The following GPT variants were observed in gnomAD, a reference collection of about 807,000 sequenced individuals.
The protein encoded by GPT is alanine aminotransferase 1.
A neutral mutation model predicts 51.4 loss-of-function variants in GPT; 60 were observed. That is an observed-to-expected ratio of 1.17 (90% CI 0.95 to 1.45). The LOEUF (loss-of-function observed/expected upper bound fraction) is 1.45. Ranked by LOEUF, GPT falls within the 40% of genes most tolerant of loss-of-function variation. The pLI, the probability that GPT is intolerant of heterozygous loss-of-function variation, is 0.00. For missense variants in GPT, 853 were observed against 704.0 expected (o/e 1.21, Z -2.40); for synonymous variants, 397 against 303.1 (o/e 1.31, Z -3.22).
At chr8:144,503,965 C>T (rs1826657052), upstream of GPT, 4 of 416,128 alleles carry the variant, frequency 9.6e-6, no homozygotes, top group South Asian at 8.4e-5. Flanking sequence ...TACCTACCCC[C>T]CATGTGGGTC....
At position 144,506,406 on chromosome 8, in the gene GPT, T is replaced by G; in HGVS notation, c.1131T>G (p.Ala377=). 6.4e-7 allele frequency: 1 copy of G among 1,559,788 alleles called. No homozygotes were observed. Among genetic ancestry groups the G allele is most frequent in the Non-Finnish European group, 8.7e-7 (1 of 1,154,760 alleles). The change falls in exon 8 of 11, where the codon GCT becomes GCG. Residue 377 remains alanine (A), a splice_region_variant and synonymous_variant. Coordinates refer to ENST00000394955, the MANE Select transcript of GPT (RefSeq NM_005309.3). This position sits in a 1 kb window ranked among gnomAD's most constrained non-coding sequence, Gnocchi z 7.0. ...PTDPSFAQFQ[A]EKQAVLAELA... is the part of the protein sequence containing the mutation. The stretch of plus-strand genomic sequence containing the variant: ...ACCCCTCCTTTGCGCAGTTCCAGGC[T>G]GTGAGTTGGGGGCAGGAGGGGGTCC...
At chr8:144,505,225 C>G (rs1000709364) in intron 4 of GPT, 21 bp from the exon 5 acceptor site, 2 of 1,610,372 alleles carry the variant, frequency 1.2e-6, no homozygotes, top group Non-Finnish European at 1.7e-6. Context: ...GCCAACCCTG[C>G]CTTCCCCTTC....
chr8:144,506,018 C>A lies in GPT; in HGVS notation c.843C>A (p.Ala281=). Reference sequence around the variant, plus strand: ...AGGTGTACCAGGACAACGTGTACGCCGCGGGTTCGCAGTTCCACTCATTCA... The same window carrying A: ...AGGTGTACCAGGACAACGTGTACGCAGCGGGTTCGCAGTTCCACTCATTCA... ...ADEVYQDNVY[A]AGSQFHSFKK... The change falls in exon 7 of 11, where the codon GCC becomes GCA. Residue 281 remains alanine (A), a synonymous_variant. Coordinates refer to ENST00000394955, the MANE Select transcript of GPT (RefSeq NM_005309.3). This position sits in a 1 kb window ranked among gnomAD's most constrained non-coding sequence, Gnocchi z 7.0. The A allele has an allele frequency of 6.2e-7, 1 of 1,612,406 alleles. No individual in the cohort carries two copies. Among genetic ancestry groups the A allele is most frequent in the South Asian group, 1.1e-5 (1 of 91,084 alleles).
rs764369102 is a variant in GPT at position 144,506,657 on chromosome 8, G to A, written c.1287+1G>A. 1 of 1,557,070 alleles carries A rather than the reference G, an allele frequency of 6.4e-7. No individual in the cohort carries two copies. Among genetic ancestry groups the A allele is most frequent in the Non-Finnish European group, 8.7e-7 (1 of 1,150,484 alleles). ...CCCGCGGGCGGTGGAGCGCGCTCAGGTCAGGCGGGGGCGGGGCCTGCGGGG... is the reference window on the plus strand; with the variant it reads ...CCCGCGGGCGGTGGAGCGCGCTCAGATCAGGCGGGGGCGGGGCCTGCGGGG... On this transcript the variant is annotated splice_donor_variant, in intron 9 of 10. Transcript: ENST00000394955. LOFTEE classifies it high-confidence loss of function. This position sits in a 1 kb window ranked among gnomAD's most constrained non-coding sequence, Gnocchi z 7.0.
At position 144,504,642 on chromosome 8, in the gene GPT, C is replaced by T; in HGVS notation, c.201C>T (p.Asn67=). Residue 67 remains asparagine (N), a synonymous_variant, in exon 2 of 11, where the codon AAC becomes AAT. Transcript: ENST00000394955. ...CTTTCACCGAGGTCATCCGTGCCAA[C>T]ATCGGGGACGCACAGGCTATGGGGC... The part of the protein sequence containing the change: ...KKPFTEVIRA[N]IGDAQAMGQR... 1 of 1,613,320 alleles carries T rather than the reference C, an allele frequency of 6.2e-7. No individual in the cohort carries two copies. Among genetic ancestry groups the T allele is most frequent in the South Asian group, 1.1e-5 (1 of 91,092 alleles).
chr8:144,505,977 C>T lies in GPT; in HGVS notation c.820-18C>T. The T allele has an allele frequency of 6.2e-7, 1 of 1,612,258 alleles. No individual in the cohort carries two copies. ...GCCGGGCAACAGTCCGCCCCCGTGA[C>T]GCCTTGCGCCCTTCCAGGTGTACCA... is the stretch of plus-strand genomic sequence containing the variant. On this transcript the variant is annotated intron_variant, in intron 6 of 10. Coordinates refer to ENST00000394955, the MANE Select transcript of GPT (RefSeq NM_005309.3).
At position 144,504,283 on chromosome 8, in the gene GPT, C is replaced by T. The variant is rs1368620585; in HGVS notation, c.-22C>T. On this transcript the variant is annotated 5_prime_UTR_variant, in exon 1 of 11. Transcript: ENST00000394955. ...GTCCTGCCACCTCCTGAGCTGCCTT[C>T]CCGCCTGGTCTGGGTAGAGTCATGG... 1.9e-6 allele frequency: 3 copies of T among 1,604,528 alleles called. No individual in the cohort carries two copies. In the East Asian group the frequency reaches 6.7e-5, roughly 36 times the overall value.
In GPT at chr8:144,506,143, C is replaced by G. The variant is rs758787114; in HGVS notation, c.956+12C>G. 5.0e-6 allele frequency: 8 copies of G among 1,609,892 alleles called. No homozygotes were observed. In the Admixed American group the frequency reaches 5.0e-5, roughly 10 times the overall value. Reference sequence around the variant, plus strand: ...GGCTACATGGGCGAGTGCGTGCGTACGAGGCGGGTGGGGGCTCGCGGGCCA... The same window carrying G: ...GGCTACATGGGCGAGTGCGTGCGTAGGAGGCGGGTGGGGGCTCGCGGGCCA... On this transcript the variant is annotated intron_variant, in intron 7 of 10. Coordinates refer to ENST00000394955, the MANE Select transcript of GPT (RefSeq NM_005309.3). This position sits in a 1 kb window ranked among gnomAD's most constrained non-coding sequence, Gnocchi z 7.0.
Position 144,505,083 on chromosome 8 carries a change from G to C in GPT, c.447G>C (p.Ala149=). 1 of 1,613,154 alleles carries C rather than the reference G, an allele frequency of 6.2e-7. No homozygotes were observed. The highest frequency in any genetic ancestry group is 8.5e-7 in the Non-Finnish European group (1 of 1,180,002). The change falls in exon 4 of 11, where the codon GCG becomes GCC. Residue 149 remains alanine (A), a synonymous_variant. Coordinates refer to ENST00000394955, the MANE Select transcript of GPT (RefSeq NM_005309.3). ...YIERRDGGIP[A]DPNNVFLSTG... ...AGAGGCGTGACGGAGGCATCCCTGC[G>C]GACCCCAACAACGTCTTCCTGTCCA...
chr8:144,504,850 T>A lies in GPT; in HGVS notation c.332T>A (p.Ile111Asn). Residue 111 changes from isoleucine (I) to asparagine (N), a missense_variant, in exon 3 of 11, where the codon ATC becomes AAC. Ile to Asn is a moderately radical substitution (Grantham distance 149). Coordinates refer to ENST00000394955, the MANE Select transcript of GPT (RefSeq NM_005309.3). The part of the protein sequence containing the change: ...PDDAKKRAER[I>N]LQACGGHSLG... ...GATGCCAAGAAAAGGGCGGAGCGCA[T>A]CTTGCAGGCGTGTGGGGGCCACAGT... 1.2e-6 allele frequency: 2 copies of A among 1,613,360 alleles called. No homozygotes were observed. The highest frequency in any genetic ancestry group is 2.2e-5 in the South Asian group (2 of 91,076).
In GPT at chr8:144,504,468, T is replaced by C; in HGVS notation, c.162+2T>C. On this transcript the variant is annotated splice_donor_variant, in intron 1 of 10. Coordinates refer to ENST00000394955, the MANE Select transcript of GPT (RefSeq NM_005309.3). LOFTEE classifies it high-confidence loss of function. ...GAGCTGGAGCAGGAGCTGCGCCAGG[T>C]ATGGCCCAGGGCCCCTCGCTGCCCT... 6.2e-7 allele frequency: 1 copy of C among 1,609,284 alleles called. No homozygotes were observed. The highest frequency in any genetic ancestry group is 8.5e-7 in the Non-Finnish European group (1 of 1,179,444).
rs781196445 is a variant in GPT, at chr8:144,505,384, C to T, written c.634C>T (p.Arg212Cys). 6.3e-7 allele frequency: 1 copy of T among 1,592,524 alleles called. No individual in the cohort carries two copies. The highest frequency in any genetic ancestry group is 1.1e-5 in the South Asian group (1 of 87,606). ...VQVDYYLDEE[R>C]AWALDVAELH... ...GGTGGATTACTACCTGGACGAGGAG[C>T]GTGCCTGGGCGCTGGACGTGGCCGA... The change falls in exon 5 of 11, where the codon CGT (arginine) becomes TGT (cysteine). Residue 212 changes from arginine to cysteine, a missense_variant. Transcript: ENST00000394955.
chr8:144,507,105 G>GT lies in GPT; in HGVS notation c.*106dup, dbSNP rs1270580183. Reference sequence around the variant, plus strand: ...TGCTCTTGATGCCTGGCGGGGTGGGGTGGGGGGGGTGCTGGGCCCCTGCCT... The same window carrying GT: ...TGCTCTTGATGCCTGGCGGGGTGGGGTTGGGGGGGGTGCTGGGCCCCTGCCT... On this transcript the variant is annotated 3_prime_UTR_variant, in exon 11 of 11. Transcript: ENST00000394955. 795 of 698,374 alleles carry GT rather than the reference G, an allele frequency of 1.1e-3. 2 individuals are homozygous for GT. Among genetic ancestry groups the GT allele is most frequent in the Admixed American group, 1.9e-3 (95 of 49,126 alleles). The allele number at this position is 698,374 out of a possible 1,614,324, so 43.3% of individuals were successfully genotyped here. A position where few individuals can be genotyped will look rare whatever the true frequency, so the allele number is the denominator to read the frequency against.
chr8:144,506,682 G>T lies in GPT; in HGVS notation c.1287+26G>T. ...GTCAGGCGGGGGCGGGGCCTGCGGGGTGGGCAGGGGGGGCCGGGCATCCCT... is the reference window on the plus strand; with the variant it reads ...GTCAGGCGGGGGCGGGGCCTGCGGGTTGGGCAGGGGGGGCCGGGCATCCCT... On this transcript the variant is annotated intron_variant, in intron 9 of 10. Coordinates refer to ENST00000394955, the MANE Select transcript of GPT (RefSeq NM_005309.3). This position sits in a 1 kb window ranked among gnomAD's most constrained non-coding sequence, Gnocchi z 7.0. 1 of 1,579,220 alleles carries T rather than the reference G, an allele frequency of 6.3e-7. No homozygotes were observed. The highest frequency in any genetic ancestry group is 8.6e-7 in the Non-Finnish European group (1 of 1,162,412).
In GPT at chr8:144,505,081, G is replaced by A; in HGVS notation, c.445G>A (p.Ala149Thr). 6.2e-7 allele frequency: 1 copy of A among 1,613,154 alleles called. No homozygotes were observed. Among genetic ancestry groups the A allele is most frequent in the Non-Finnish European group, 8.5e-7 (1 of 1,180,006 alleles). Residue 149 changes from alanine to threonine, a missense_variant, in exon 4 of 11, where the codon GCG becomes ACG. Physicochemically the swap from Ala to Thr is moderately conservative, Grantham distance 58. Transcript: ENST00000394955. ...TGAGAGGCGTGACGGAGGCATCCCT[G>A]CGGACCCCAACAACGTCTTCCTGTC... ...YIERRDGGIP[A>T]DPNNVFLSTG...
upstream of GPT, chr8:144,503,973 G>C (rs2130609264): frequency 2.3e-6 from 1 of 428,894 alleles, no homozygotes; most frequent in East Asian, 4.9e-5. Context: ...CCCCATGTGG[G>C]TCTCCTGCTC....
At position 144,505,329 on chromosome 8, in the gene GPT, G is replaced by C. The variant is rs774645693; in HGVS notation, c.579G>C (p.Ser193=). Residue 193 remains serine, a synonymous_variant, in exon 5 of 11, where the codon TCG becomes TCC. Coordinates refer to ENST00000394955, the MANE Select transcript of GPT (RefSeq NM_005309.3). The part of the protein sequence containing the change: ...LIPIPQYPLY[S]ATLAELGAVQ... ...CCATCCCCCAGTACCCACTCTACTC[G>C]GCCACGCTGGCAGAGCTGGGCGCAG... The C allele has an allele frequency of 6.4e-7, 1 of 1,569,218 alleles. No individual in the cohort carries two copies. Among genetic ancestry groups the C allele is most frequent in the Non-Finnish European group, 8.6e-7 (1 of 1,157,562 alleles).
Position 144,506,284 on chromosome 8 carries a change from C to A in GPT, c.1009C>A (p.Gln337Lys), listed in dbSNP as rs1182867205. The change falls in exon 8 of 11, where the codon CAG becomes AAG. Residue 337 changes from glutamine (Q) to lysine (K), a missense_variant. Gln to Lys is a moderately conservative substitution (Grantham distance 53). Transcript: ENST00000394955. The surrounding 1 kb of genome is among the most constrained non-coding windows in gnomAD (Gnocchi z 7.0). ...VEVVNMDAAV[Q>K]QQMLKLMSVR... ...GGTGGTGAACATGGACGCTGCAGTG[C>A]AGCAGCAGATGCTGAAGCTGATGAG... is the stretch of plus-strand genomic sequence containing the variant. 1.9e-6 allele frequency: 3 copies of A among 1,602,480 alleles called. No individual in the cohort carries two copies. The African/African-American group carries it at 4.0e-5, about 21-fold the overall frequency.
upstream of GPT, among the ~76,000 whole-genome samples, chr8:144,503,333 T>C (rs1459804236): frequency 6.6e-6 from 1 of 152,148 alleles, no homozygotes; most frequent in African/African-American, 2.4e-5. Context: ...TCAGCAGGCC[T>C]GTGGAGGTGG....
Sources: allele counts gnomAD v4.1 joint callset (sites outside exome capture counted in the v4.1 genomes callset), GRCh38; gene constraint gnomAD v4.1.1; non-coding constraint Gnocchi (gnomAD v3.1); transcripts MANE v1.5; gene names NCBI Gene and HGNC (gene_info 2026-07-23, HGNC 2026-07-21).